LMX1A: variants seen among roughly 807,000 people sequenced by gnomAD.
LMX1A encodes LIM homeobox transcription factor 1-alpha.
In LMX1A, 15 loss-of-function variants were observed where a neutral mutation model predicts 49.1. The observed-to-expected ratio is 0.31, with a 90% CI of 0.20 to 0.47. LMX1A has a LOEUF of 0.47. Ranked by LOEUF, LMX1A falls within the 20% of genes least tolerant of loss-of-function variation. The pLI is 1.00. For missense variants in LMX1A, 372 were observed against 475.8 expected (o/e 0.78, Z 2.03); for synonymous variants, 167 against 185.7 (o/e 0.90, Z 0.82).
intron 3 of LMX1A, among the ~76,000 whole-genome samples, chr1:165,316,206 T>C (rs1052379052): frequency 3.9e-5 from 6 of 152,226 alleles, no homozygotes; most frequent in Non-Finnish European, 5.9e-5. Flanking sequence ...GTGTATGTTG[T>C]GTGAGACACA....
chr1:165,264,931 C>T (rs778750761), intron 3 of LMX1A, among the ~76,000 whole-genome samples: 2 of 152,036 alleles, frequency 1.3e-5, no homozygotes, highest in African/African-American at 2.4e-5. Flanking sequence ...AGGCCGGGCG[C>T]GGTGGCTCAC....
chr1:165,284,435 A>G (rs2101708932), intron 3 of LMX1A, among the ~76,000 whole-genome samples: 1 of 152,350 alleles, frequency 6.6e-6, no homozygotes, highest in East Asian at 1.9e-4. Context: ...TTCAAAGAAC[A>G]CATCCTAACA....
At chr1:165,317,989 G>C (rs1037283778) in intron 3 of LMX1A, among the ~76,000 whole-genome samples, 11 of 152,362 alleles carry the variant, frequency 7.2e-5, no homozygotes, top group Admixed American at 7.2e-4. Context: ...GGGAAGCAAA[G>C]CTGACTGAGG....
intron 3 of LMX1A, among the ~76,000 whole-genome samples, chr1:165,261,898 T>C (rs34458079): frequency 0.15 from 23,049 of 152,062 alleles, 1,931 homozygotes; most frequent in African/African-American, 0.2. Flanking sequence ...TTAATGAGCA[T>C]AGAGTTTTAG....
chr1:165,256,280 C>T (rs1234972334), intron 3 of LMX1A, among the ~76,000 whole-genome samples: 1 of 152,164 alleles, frequency 6.6e-6, no homozygotes, highest in African/African-American at 2.4e-5. Flanking sequence ...AATCTGGGCT[C>T]AAAAGTGCTG....
intron 3 of LMX1A, among the ~76,000 whole-genome samples, chr1:165,315,692 C>T (rs537639765): frequency 9.2e-5 from 14 of 152,272 alleles, no homozygotes; most frequent in Middle Eastern, 3.4e-3. Flanking sequence ...GATCTGGCCC[C>T]CTCTACCCCC....
intron 3 of LMX1A, among the ~76,000 whole-genome samples, chr1:165,255,326 G>T (rs1362241620): frequency 2.0e-5 from 3 of 152,152 alleles, no homozygotes; most frequent in Non-Finnish European, 2.9e-5. Context: ...ACTCTGCCAA[G>T]CAGGAAAATA....
At chr1:165,212,557 G>T (rs1651454135) in intron 5 of LMX1A, among the ~76,000 whole-genome samples, 1 of 151,768 alleles carries the variant, frequency 6.6e-6, no homozygotes, top group South Asian at 2.1e-4. Context: ...ATGCAAAAAA[G>T]GATGCAGGAA....
intron 3 of LMX1A, among the ~76,000 whole-genome samples, chr1:165,266,971 T>C (rs1453571714): frequency 1.3e-5 from 2 of 151,876 alleles, no homozygotes; most frequent in Non-Finnish European, 2.9e-5. Context: ...CTCTCTCTCT[T>C]TCTTTCTCTT....
At chr1:165,329,129 A>G (rs1395954438) in intron 3 of LMX1A, among the ~76,000 whole-genome samples, 1 of 152,196 alleles carries the variant, frequency 6.6e-6, no homozygotes, top group African/African-American at 2.4e-5. Context: ...CAGAAAGGGA[A>G]ACAGGTATGT....
chr1:165,216,485 C>T (rs545797613), intron 4 of LMX1A, among the ~76,000 whole-genome samples: 1 of 152,266 alleles, frequency 6.6e-6, no homozygotes, highest in South Asian at 2.1e-4. Context: ...TAATGCTCCA[C>T]CCCAGGGATC....
At chr1:165,286,205 A>G (rs954145035) in intron 3 of LMX1A, among the ~76,000 whole-genome samples, 1 of 152,220 alleles carries the variant, frequency 6.6e-6, no homozygotes, top group Admixed American at 6.5e-5. Flanking sequence ...CAATAATTCC[A>G]GTCTTGCAGG....
chr1:165,245,875 T>C (rs1480952489), intron 4 of LMX1A, among the ~76,000 whole-genome samples: 2 of 151,960 alleles, frequency 1.3e-5, no homozygotes, highest in African/African-American at 4.8e-5. Context: ...ATCGGGAGTA[T>C]CCACTGCCAC....
At chr1:165,209,033 G>C in intron 6 of LMX1A, among the ~76,000 whole-genome samples, 1 of 152,214 alleles carries the variant, frequency 6.6e-6, no homozygotes, top group Non-Finnish European at 1.5e-5. Context: ...TATACTTTGA[G>C]TGTGTGTATG....
chr1:165,324,857 A>T (rs896267821), intron 3 of LMX1A, among the ~76,000 whole-genome samples: 2 of 152,188 alleles, frequency 1.3e-5, no homozygotes, highest in Non-Finnish European at 2.9e-5. Context: ...TGATCTCAGC[A>T]TCATTTAGTT....
intron 3 of LMX1A, 27 bp downstream of exon 3, chr1:165,353,049 G>C: frequency 6.2e-7 from 1 of 1,610,994 alleles, no homozygotes; most frequent in Admixed American, 1.7e-5. Flanking sequence ...AGTGCGCGGG[G>C]AGCGCTGCGG....
chr1:165,219,262 C>T lies in LMX1A; in HGVS notation c.497-5449G>A, dbSNP rs1651750780. Among the ~76,000 whole-genome samples, 4 of 152,112 alleles carry T rather than the reference C, an allele frequency of 2.6e-5. No homozygotes were observed. In the South Asian group the frequency reaches 8.3e-4, roughly 32 times the overall value. On this transcript the variant is annotated intron_variant, in intron 4 of 8. Transcript: ENST00000342310. ...GGTTGTTGGAAAAATCCCAACGGCC[C>T]ATAAACAGGGCAAGAGATATCTGAG...
chr1:165,318,822 AG>A (rs1655293626), intron 3 of LMX1A, among the ~76,000 whole-genome samples: 1 of 152,140 alleles, frequency 6.6e-6, no homozygotes, highest in South Asian at 2.1e-4. Flanking sequence ...AAATATAGAA[AG>A]GGCCTGGATT....
chr1:165,291,452 C>T (rs1654464181), intron 3 of LMX1A, among the ~76,000 whole-genome samples: 1 of 152,132 alleles, frequency 6.6e-6, no homozygotes, highest in South Asian at 2.1e-4. Flanking sequence ...ATCATTTTAC[C>T]TCTCTGTGGT....
Sources: allele counts gnomAD v4.1 joint callset (sites outside exome capture counted in the v4.1 genomes callset), GRCh38; gene constraint gnomAD v4.1.1; transcripts MANE v1.5; gene names NCBI Gene and HGNC (gene_info 2026-07-23, HGNC 2026-07-21).